Variants in STAU1 observed in about 807,000 individuals in gnomAD.
STAU1 encodes the protein double-stranded RNA-binding protein Staufen homolog 1.
STAU1 carries 13 observed loss-of-function variants against 62.9 expected under a neutral mutation model. The observed-to-expected ratio is 0.21, with a 90% CI of 0.13 to 0.33. STAU1 has a LOEUF of 0.33. Ranked by LOEUF, STAU1 falls within the 10% of genes least tolerant of loss-of-function variation. The pLI, the probability that STAU1 is intolerant of heterozygous loss-of-function variation, is 1.00. For missense variants in STAU1, 571 were observed against 712.1 expected (o/e 0.80, Z 2.25); for synonymous variants, 269 against 265.1 (o/e 1.01, Z -0.14).
intron 6 of STAU1, among the ~76,000 whole-genome samples, chr20:49,125,722 C>T (rs1171600559): frequency 6.6e-6 from 1 of 151,940 alleles, no homozygotes; most frequent in African/African-American, 2.4e-5. Flanking sequence ...GTGGCAGGCG[C>T]CTGTAGTCCC....
chr20:49,146,055 A>T (rs1480575301), intron 5 of STAU1, among the ~76,000 whole-genome samples: 1 of 152,136 alleles, frequency 6.6e-6, no homozygotes, highest in Non-Finnish European at 1.5e-5. Flanking sequence ...TGGTCACTTG[A>T]GCTCAGGAGT....
At chr20:49,116,647 A>G (rs1196031081) in intron 12 of STAU1, among the ~76,000 whole-genome samples, 2 of 152,180 alleles carry the variant, frequency 1.3e-5, no homozygotes, top group Non-Finnish European at 2.9e-5. Context: ...AGAGACATTA[A>G]TTTCATGCAT....
chr20:49,186,560 A>C (rs151045219), intron 1 of STAU1, among the ~76,000 whole-genome samples: 2 of 152,058 alleles, frequency 1.3e-5, no homozygotes, highest in Non-Finnish European at 2.9e-5. Context: ...CACACTCCTT[A>C]CTCATATAAA....
intron 1 of STAU1, among the ~76,000 whole-genome samples, chr20:49,179,586 C>T (rs762762076): frequency 1.3e-5 from 2 of 152,198 alleles, no homozygotes; most frequent in African/African-American, 2.4e-5. Context: ...ATTGTTCTTT[C>T]TGACAGAGGA....
At chr20:49,169,517 T>C (rs1016436718) in intron 2 of STAU1, among the ~76,000 whole-genome samples, 1 of 152,230 alleles carries the variant, frequency 6.6e-6, no homozygotes, top group Non-Finnish European at 1.5e-5. Flanking sequence ...ATAAGTCTTT[T>C]CCTTTAAACC....
At chr20:49,171,008 A>G (rs2093589951) in intron 2 of STAU1, among the ~76,000 whole-genome samples, 1 of 152,240 alleles carries the variant, frequency 6.6e-6, no homozygotes, top group South Asian at 2.1e-4. Flanking sequence ...AAACTTATTA[A>G]GCATCTATTA....
chr20:49,205,712 G>T, the STAU1 span, among the ~76,000 whole-genome samples: 2 of 147,226 alleles, frequency 1.4e-5, no homozygotes, highest in African/African-American at 5.0e-5. Context: ...TGCTCTTGTT[G>T]CCCAGGCTGG....
chr20:49,209,225 G>A, the STAU1 span, among the ~76,000 whole-genome samples: 17 of 149,136 alleles, frequency 1.1e-4, no homozygotes, highest in Non-Finnish European at 2.1e-4. Flanking sequence ...GTAAGCCACC[G>A]CGCCAGGCCC....
chr20:49,122,058 C>A (rs1384863850), intron 8 of STAU1, among the ~76,000 whole-genome samples: 1 of 152,216 alleles, frequency 6.6e-6, no homozygotes, highest in Non-Finnish European at 1.5e-5. Context: ...CTTTTCCTAC[C>A]TTCTGACTGC....
chr20:49,115,748 T>A, intron 13 of STAU1, 34 bp downstream of exon 13: 1 of 1,567,924 alleles, frequency 6.4e-7, no homozygotes, highest in Non-Finnish European at 8.8e-7. Flanking sequence ...AGCCTCCCCA[T>A]CATCAGCGCC....
chr20:49,129,279 A>ATTTTTTTTTTTTTTTTTTTTT (rs1337866356), intron 6 of STAU1, among the ~76,000 whole-genome samples: 1 of 101,956 alleles, frequency 9.8e-6, no homozygotes, highest in Non-Finnish European at 1.8e-5. Context: ...TTTAAAAAAA[A>ATTTTTTTTTTTTTTTTTTTTT]ATTTTTTTTT....
intron 5 of STAU1, among the ~76,000 whole-genome samples, chr20:49,147,596 C>T (rs552930819): frequency 3.2e-4 from 48 of 152,336 alleles, no homozygotes; most frequent in Non-Finnish European, 5.0e-4. Context: ...CATGCATACC[C>T]GCTGGTTCAG....
intron 6 of STAU1, among the ~76,000 whole-genome samples, chr20:49,131,351 T>C (rs992223494): frequency 6.6e-6 from 1 of 152,138 alleles, no homozygotes; most frequent in Non-Finnish European, 1.5e-5. Context: ...AATGTGAATG[T>C]AGGATGTGTA....
chr20:49,149,750 T>C (rs1044879669), intron 5 of STAU1, among the ~76,000 whole-genome samples: 1 of 152,182 alleles, frequency 6.6e-6, no homozygotes, highest in African/African-American at 2.4e-5. Flanking sequence ...TCTGTTAGAA[T>C]AGGTGATTAT....
chr20:49,138,204 G>A (rs903362436), intron 5 of STAU1, among the ~76,000 whole-genome samples: 3 of 152,056 alleles, frequency 2.0e-5, no homozygotes, highest in Non-Finnish European at 2.9e-5. Context: ...GATCACCTGA[G>A]CCTAGGGTGT....
intron 1 of STAU1, among the ~76,000 whole-genome samples, chr20:49,176,276 A>G (rs1484206308): frequency 6.6e-6 from 1 of 152,200 alleles, no homozygotes; most frequent in African/African-American, 2.4e-5. Flanking sequence ...GTACATAAAT[A>G]GTGGCATATT....
At chr20:49,212,615 A>ATATTTTTTTTTTTTTTTTTTTT in the STAU1 span, among the ~76,000 whole-genome samples, 1 of 85,176 alleles carries the variant, frequency 1.2e-5, no homozygotes, top group Non-Finnish European at 2.2e-5. Context: ...AGCTATTGGA[A>ATATTTTTTTTTTTTTTTTTTTT]TTTTTTTTTT....
intron 2 of STAU1, among the ~76,000 whole-genome samples, chr20:49,168,469 AATTCACTT>A (rs2093555360): frequency 6.6e-6 from 1 of 152,136 alleles, no homozygotes; most frequent in Non-Finnish European, 1.5e-5. Context: ...GTTACCCTTA[AATTCACTT>A]AAAGGACTTA....
rs1035932151 is a variant in STAU1, at chr20:49,123,356, G to T, written c.823-121C>A. 2.2e-5 allele frequency: 26 copies of T among 1,191,242 alleles called. No homozygotes were observed. In the African/African-American group the frequency reaches 3.6e-4, roughly 16 times the overall value. The allele number at this position is 1,191,242 out of a possible 1,614,324, so 73.8% of individuals were successfully genotyped here. On this transcript the variant is annotated intron_variant, in intron 7 of 13. Coordinates refer to ENST00000371856, the MANE Select transcript of STAU1 (RefSeq NM_017453.4). ...GGGTTGACCTAATGGCTCAGAATTC[G>T]ATTTTTTTTAATTTAACATTTTAAC...
Sources: gnomAD v4.1 joint callset for allele counts (sites outside exome capture counted in the v4.1 genomes callset) on GRCh38, gnomAD v4.1.1 for gene constraint, MANE v1.5 for transcripts, NCBI Gene and HGNC (gene_info 2026-07-23, HGNC 2026-07-21) for gene names.